The following STXBP5 variants were observed in gnomAD, a reference collection of about 807,000 sequenced individuals.
STXBP5 encodes the protein syntaxin-binding protein 5.
Under a neutral mutation model 152.4 loss-of-function variants are expected in STXBP5, and 50 were observed. That is an observed-to-expected ratio of 0.33 (90% CI 0.26 to 0.42). The LOEUF is 0.42. STXBP5 is among the 10% of genes least tolerant of loss of function. STXBP5 has a pLI of 1.00. For synonymous variants in STXBP5, 492 were observed against 494.7 expected, an observed-to-expected ratio of 0.99 and a Z score of 0.07; for missense variants, 1,167 against 1,388.6, an observed-to-expected ratio of 0.84 and a Z score of 2.54.
At chr6:147,377,704 G>A (rs1785876664) in intron 26 of STXBP5, among the ~76,000 whole-genome samples, 2 of 152,066 alleles carry the variant, frequency 1.3e-5, no homozygotes, top group African/African-American at 2.4e-5. Context: ...CACTGATGAG[G>A]ACAATACCCT....
intron 24 of STXBP5, 36 bp downstream of exon 24, chr6:147,363,740 C>A: frequency 1.3e-6 from 2 of 1,560,180 alleles, no homozygotes; most frequent in South Asian, 2.5e-5. Context: ...ACAGATATAG[C>A]ATTTCCTCCC....
chr6:147,285,493 G>T (rs573108180), intron 8 of STXBP5, among the ~76,000 whole-genome samples: 3 of 147,790 alleles, frequency 2.0e-5, no homozygotes, highest in South Asian at 4.8e-4. Flanking sequence ...GATTTGTTGG[G>T]TTTTTTTCAA....
In STXBP5 at chr6:147,363,525, C is replaced by G; in HGVS notation, c.2736C>G (p.Asn912Lys). 1 of 1,614,110 alleles carries G rather than the reference C, an allele frequency of 6.2e-7. No homozygotes were observed. Among genetic ancestry groups the G allele is most frequent in the Non-Finnish European group, 8.5e-7 (1 of 1,180,012 alleles). The change falls in exon 24 of 28, where the codon AAC (asparagine) becomes AAG (lysine). Residue 912 changes from asparagine to lysine, a missense_variant. Physicochemically the swap from Asn to Lys is moderately conservative, Grantham distance 94. Around this residue, in one of 3 missense-constraint regions of STXBP5, gnomAD observed 833 missense variants for 986.3 expected, o/e 0.84. Transcript: ENST00000321680. ...CCTCTTCTCAGGAAATTAGTGAAAA[C>G]CAGTATGCAGTGATATGTTCTGAAA... Reference protein sequence around the residue: ...SPSSSQEISENQYAVICSEKQ... With the variant: ...SPSSSQEISEKQYAVICSEKQ...
At position 147,363,735 on chromosome 6, in the gene STXBP5, T is replaced by C. The variant is rs367986851; in HGVS notation, c.2915+31T>C. On this transcript the variant is annotated intron_variant, in intron 24 of 27. Transcript: ENST00000321680. ...AGTTAGATATGTTTTAAAACACAGATATAGCATTTCCTCCCTCAAACTATA... is the reference window on the plus strand; with the variant it reads ...AGTTAGATATGTTTTAAAACACAGACATAGCATTTCCTCCCTCAAACTATA... The C allele has an allele frequency of 1.3e-5, 20 of 1,566,016 alleles. No individual in the cohort carries two copies. The African/African-American group carries it at 1.9e-4, about 15-fold the overall frequency.
At chr6:147,217,027 T>A (rs979416243) in intron 2 of STXBP5, among the ~76,000 whole-genome samples, 1 of 152,228 alleles carries the variant, frequency 6.6e-6, no homozygotes, top group East Asian at 1.9e-4. Context: ...CTTGTGAAGT[T>A]GTTTGTTGAG....
intron 8 of STXBP5, among the ~76,000 whole-genome samples, chr6:147,279,993 A>G (rs1780625432): frequency 6.6e-6 from 1 of 151,252 alleles, no homozygotes; most frequent in Non-Finnish European, 1.5e-5. Flanking sequence ...AGTACAAAGG[A>G]TCTTTTTTTC....
chr6:147,373,388 A>AAT, intron 25 of STXBP5, among the ~76,000 whole-genome samples: 1 of 142,978 alleles, frequency 7.0e-6, no homozygotes, highest in Middle Eastern at 3.4e-3. Context: ...AAAAAAAAAA[A>AAT]CTTCTTTCTA....
intron 2 of STXBP5, among the ~76,000 whole-genome samples, chr6:147,217,162 T>A (rs1360083999): frequency 1.3e-5 from 2 of 152,228 alleles, no homozygotes. Flanking sequence ...ATTGCAGTAC[T>A]TTCTGCTAAA....
intron 8 of STXBP5, among the ~76,000 whole-genome samples, chr6:147,289,271 C>G (rs1247157450): frequency 1.3e-5 from 2 of 152,174 alleles, no homozygotes; most frequent in Non-Finnish European, 2.9e-5. Flanking sequence ...TTCACTGTAT[C>G]ATCTTGGAAG....
chr6:147,339,542 G>A (rs905829912), intron 21 of STXBP5, among the ~76,000 whole-genome samples, 158 bp downstream of exon 21: 2 of 151,768 alleles, frequency 1.3e-5, no homozygotes, highest in Admixed American at 1.3e-4. Flanking sequence ...ACTCATTGGG[G>A]CAATAATTAT....
intron 2 of STXBP5, among the ~76,000 whole-genome samples, chr6:147,211,064 G>A (rs1389893289): frequency 6.6e-6 from 1 of 152,158 alleles, no homozygotes; most frequent in Non-Finnish European, 1.5e-5. Context: ...TGTAATCCCA[G>A]CACTTTGGGA....
At chr6:147,360,224 T>G (rs960909601) in intron 23 of STXBP5, among the ~76,000 whole-genome samples, 25 of 152,120 alleles carry the variant, frequency 1.6e-4, no homozygotes, top group African/African-American at 5.8e-4. Context: ...TCAACCATTG[T>G]GGAAGTCAGT....
intron 9 of STXBP5, chr6:147,292,318 T>G (rs922159902): frequency 9.1e-6 from 4 of 441,510 alleles, no homozygotes; most frequent in African/African-American, 8.2e-5. Context: ...AAATGAACTC[T>G]AAGAGGTGTA....
intron 3 of STXBP5, 146 bp downstream of exon 3, chr6:147,235,477 T>C: frequency 3.0e-6 from 2 of 657,388 alleles, no homozygotes; most frequent in Non-Finnish European, 5.2e-6. Flanking sequence ...GTAATTCGTT[T>C]TAAGGTACCG....
chr6:147,364,840 G>A (rs1021616449), intron 25 of STXBP5, among the ~76,000 whole-genome samples: 1 of 152,062 alleles, frequency 6.6e-6, no homozygotes, highest in Non-Finnish European at 1.5e-5. Flanking sequence ...TATAATGAAA[G>A]TTTTTGCAAT....
At chr6:147,277,211 A>G (rs1332705681) in intron 7 of STXBP5, among the ~76,000 whole-genome samples, 1 of 152,106 alleles carries the variant, frequency 6.6e-6, no homozygotes, top group Non-Finnish European at 1.5e-5. Context: ...AAAGAACTCA[A>G]ATAAATAGAT....
At position 147,387,988 on chromosome 6, in the gene STXBP5, T is replaced by C. The variant is rs1786420758; in HGVS notation, c.*3233T>C. On this transcript the variant is annotated 3_prime_UTR_variant, in exon 28 of 28. Transcript: ENST00000321680. ...TTTACCCTGAGTTCTATCTTCCATG[T>C]ATGTTTTGCTTAAGGCATTTCTCAT... is the stretch of plus-strand genomic sequence containing the variant. 6.6e-6 allele frequency: 1 copy of C among 151,766 alleles called. No individual in the cohort carries two copies. The highest frequency in any genetic ancestry group is 1.5e-5 in the Non-Finnish European group (1 of 67,756). The allele number at this position is 151,766 out of a possible 1,614,324, so 9.4% of individuals were successfully genotyped here. A position where few individuals can be genotyped will look rare whatever the true frequency, so the allele number is the denominator to read the frequency against.
At chr6:147,275,250 TACCTTCATGA>T (rs1210098073) in intron 7 of STXBP5, among the ~76,000 whole-genome samples, 1 of 152,144 alleles carries the variant, frequency 6.6e-6, no homozygotes, top group Non-Finnish European at 1.5e-5. Flanking sequence ...GACTCTTAAT[TACCTTCATGA>T]ACCTTCTCAT....
Position 147,388,683 on chromosome 6 carries a change from C to T in STXBP5, c.*3928C>T, listed in dbSNP as rs1377391319. ...TCATTTCTATGCTTTAAAAAACCCT[C>T]TATTGAGCATTTTCAAATATTAATT... On this transcript the variant is annotated 3_prime_UTR_variant, in exon 28 of 28. Coordinates refer to ENST00000321680, the MANE Select transcript of STXBP5 (RefSeq NM_001127715.4). The T allele has an allele frequency of 6.6e-6, 1 of 151,328 alleles. No homozygotes were observed. Among genetic ancestry groups the T allele is most frequent in the East Asian group, 1.9e-4 (1 of 5,170 alleles). The allele number at this position is 151,328 out of a possible 1,614,324, so 9.4% of individuals were successfully genotyped here.
Sources: gnomAD v4.1 joint callset for allele counts (sites outside exome capture counted in the v4.1 genomes callset) on GRCh38, gnomAD v4.1.1 for gene constraint, gnomAD v4.1.1 regional missense constraint, MANE v1.5 for transcripts, NCBI Gene and HGNC (gene_info 2026-07-23, HGNC 2026-07-21) for gene names.